GNG7: variants seen among roughly 807,000 people sequenced by gnomAD.
The protein encoded by GNG7 is guanine nucleotide-binding protein G(I)/G(S)/G(O) subunit gamma-7.
Under a neutral mutation model 4.0 loss-of-function variants are expected in GNG7, and 1 was observed. That is an observed-to-expected ratio of 0.25 (90% CI 0.09 to 1.18). GNG7 has a LOEUF of 1.18. Among genes scored for constraint, GNG7 ranks in the 50% most tolerant of loss-of-function variants. The probability of loss-of-function intolerance (pLI) is 0.50; values close to 1 mark genes in which losing one functional copy is unlikely to be tolerated. For synonymous variants in GNG7, 34 were observed against 36.9 expected (o/e 0.92, Z 0.29); for missense variants, 86 against 91.9 (o/e 0.94, Z 0.26).
intron 3 of GNG7, among the ~76,000 whole-genome samples, chr19:2,553,864 GT>G (rs79053824): frequency 0.23 from 33,556 of 147,014 alleles, 3,952 homozygotes; most frequent in East Asian, 0.25. Flanking sequence ...CATATTATAT[GT>G]AACATTGCAT....
intron 3 of GNG7, among the ~76,000 whole-genome samples, chr19:2,552,263 A>T (rs539755500): frequency 5.3e-5 from 8 of 152,236 alleles, no homozygotes; most frequent in African/African-American, 1.7e-4. Flanking sequence ...AGATCATGCC[A>T]CTGCACTCCA....
chr19:2,702,325 C>T, intron 1 of GNG7, among the ~76,000 whole-genome samples: 1 of 148,460 alleles, frequency 6.7e-6, no homozygotes, highest in East Asian at 2.0e-4. Flanking sequence ...CAGCTAACCT[C>T]GATCTGCACC....
At chr19:2,627,902 A>G (rs1982060661) in intron 2 of GNG7, among the ~76,000 whole-genome samples, 1 of 151,896 alleles carries the variant, frequency 6.6e-6, no homozygotes, top group African/African-American at 2.4e-5. Flanking sequence ...TGTTTCTTTC[A>G]CTCACTCAGT....
intron 1 of GNG7, among the ~76,000 whole-genome samples, chr19:2,646,670 G>A (rs1982675016): frequency 6.8e-6 from 1 of 146,384 alleles, no homozygotes; most frequent in Non-Finnish European, 1.5e-5. Flanking sequence ...GGGCAACAGG[G>A]CAAGACTCTG....
At chr19:2,568,907 A>G (rs1293172661) in intron 2 of GNG7, among the ~76,000 whole-genome samples, 1 of 151,728 alleles carries the variant, frequency 6.6e-6, no homozygotes, top group African/African-American at 2.4e-5. Context: ...TATCCACACT[A>G]TACACATATA....
At chr19:2,603,625 G>A (rs776134920) in intron 2 of GNG7, among the ~76,000 whole-genome samples, 57 of 152,294 alleles carry the variant, frequency 3.7e-4, no homozygotes, top group Admixed American at 1.3e-3. Context: ...CTTGCGGGGC[G>A]GCGGCTAAAT....
intron 3 of GNG7, among the ~76,000 whole-genome samples, chr19:2,545,137 G>A (rs901755830): frequency 6.6e-6 from 1 of 151,844 alleles, no homozygotes. Context: ...ATCCCTGGGG[G>A]TTTCACCTAG....
Position 2,536,946 on chromosome 19 carries a change from A to T in GNG7, c.-37-16221T>A, listed in dbSNP as rs796516221. Among the ~76,000 whole-genome samples the T allele has an allele frequency of 1.3e-3, 192 of 144,630 alleles. 1 individual carries two copies. In the East Asian group the frequency reaches 0.031, roughly 24 times the overall value. 94.9% of individuals were successfully genotyped at this position (144,630 alleles called of 152,430 possible). A position where few individuals can be genotyped will look rare whatever the true frequency, so the allele number is the denominator to read the frequency against. On this transcript the variant is annotated intron_variant, in intron 3 of 4. Transcript: ENST00000382159. ...TATATACATACATATTTTTATTTTT[A>T]TTTTTATTTTTTTTTTTTGAGACGG... is the stretch of plus-strand genomic sequence containing the variant.
chr19:2,630,142 A>G (rs944976492), intron 2 of GNG7, among the ~76,000 whole-genome samples: 3 of 151,716 alleles, frequency 2.0e-5, no homozygotes, highest in Non-Finnish European at 4.4e-5. Flanking sequence ...ACCTGGCAGT[A>G]CTCCTGCAAG....
chr19:2,603,104 T>C (rs1222880023), intron 2 of GNG7, among the ~76,000 whole-genome samples: 1 of 151,920 alleles, frequency 6.6e-6, no homozygotes, highest in Non-Finnish European at 1.5e-5. Flanking sequence ...TTCGCTCTTG[T>C]TGCCCAGGCT....
At chr19:2,563,923 A>G (rs944376070) in intron 2 of GNG7, among the ~76,000 whole-genome samples, 1 of 151,996 alleles carries the variant, frequency 6.6e-6, no homozygotes, top group African/African-American at 2.4e-5. Flanking sequence ...TAAACAACAC[A>G]GCAGCATTGC....
At chr19:2,570,465 C>T (rs577720279) in intron 2 of GNG7, among the ~76,000 whole-genome samples, 1 of 152,298 alleles carries the variant, frequency 6.6e-6, no homozygotes, top group Admixed American at 6.5e-5. Flanking sequence ...TTTCCAGCCA[C>T]ATGTGGATGG....
rs201974891 is a variant in GNG7, at chr19:2,567,049, G to C, written c.-77-11861C>G. On this transcript the variant is annotated intron_variant, in intron 2 of 4. Transcript: ENST00000382159. ...GAATCCGGGAGGCGGAGCTTGCAGT[G>C]AGCCGAGATCGCGCCACTGCAGTCC... Among the ~76,000 whole-genome samples the C allele has an allele frequency of 5.2e-4, 78 of 151,200 alleles. 1 individual carries two copies. In the East Asian group the frequency reaches 0.015, roughly 28 times the overall value.
At chr19:2,650,023 C>A (rs11882583) in intron 1 of GNG7, among the ~76,000 whole-genome samples, 3 of 151,806 alleles carry the variant, frequency 2.0e-5, no homozygotes, top group African/African-American at 7.3e-5. Flanking sequence ...ATGCTGTGAC[C>A]TGTGTCAAAG....
intron 2 of GNG7, among the ~76,000 whole-genome samples, chr19:2,625,722 G>A (rs1042176976): frequency 2.2e-4 from 33 of 152,146 alleles, no homozygotes; most frequent in African/African-American, 7.2e-4. Context: ...AGCAGGTAGC[G>A]CCCTCACCGT....
At chr19:2,527,796 C>A (rs1568232411) in intron 3 of GNG7, among the ~76,000 whole-genome samples, 2 of 151,760 alleles carry the variant, frequency 1.3e-5, no homozygotes, top group Non-Finnish European at 2.9e-5. Flanking sequence ...ACCAGTGCGC[C>A]CACAGTCATG....
At chr19:2,526,395 G>A (rs572208551) in intron 3 of GNG7, among the ~76,000 whole-genome samples, 35 of 151,032 alleles carry the variant, frequency 2.3e-4, no homozygotes, top group Non-Finnish European at 3.7e-4. Context: ...GTGAGCCACC[G>A]CGCCTGGTCT....
At chr19:2,668,082 G>A (rs1055518327) in intron 1 of GNG7, among the ~76,000 whole-genome samples, 1 of 152,154 alleles carries the variant, frequency 6.6e-6, no homozygotes, top group Non-Finnish European at 1.5e-5. Flanking sequence ...ATCAATACTG[G>A]TTTATTCGCT....
chr19:2,553,572 T>A (rs886086302), intron 3 of GNG7, among the ~76,000 whole-genome samples: 1 of 149,376 alleles, frequency 6.7e-6, no homozygotes, highest in Non-Finnish European at 1.5e-5. Flanking sequence ...ATGTAATAAA[T>A]CATATCACAT....
Sources: gnomAD v4.1 joint callset for allele counts (sites outside exome capture counted in the v4.1 genomes callset) on GRCh38, gnomAD v4.1.1 for gene constraint, MANE v1.5 for transcripts, NCBI Gene and HGNC (gene_info 2026-07-23, HGNC 2026-07-21) for gene names.